The following SLC15A2 variants were observed in gnomAD, a reference collection of about 807,000 sequenced individuals.
SLC15A2 encodes the protein solute carrier family 15 member 2, also known as kidney H(+)/peptide cotransporter.
In SLC15A2, 77 loss-of-function variants were observed where a neutral mutation model predicts 95.5. The ratio of observed to expected loss-of-function variants is 0.81; its 90% confidence interval spans 0.67 to 0.97. The LOEUF is 0.97. SLC15A2 is among the 50% of genes least tolerant of loss of function. SLC15A2 has a pLI of 0.00. For synonymous variants in SLC15A2, 306 were observed against 306.9 expected (o/e 1.00, Z 0.03); for missense variants, 893 against 874.4 (o/e 1.02, Z -0.27).
At chr3:121,915,378 C>A in intron 6 of SLC15A2, 61 bp downstream of exon 6, 3 of 1,130,388 alleles carry the variant, frequency 2.7e-6, no homozygotes, top group South Asian at 2.5e-5. Flanking sequence ...AAAAGCTGTT[C>A]AAGGCTTTCT....
Position 121,929,083 on chromosome 3 carries a change from G to A in SLC15A2, c.1443G>A (p.Val481=), listed in dbSNP as rs34589463. The A allele has an allele frequency of 3.1e-6, 5 of 1,614,120 alleles. No homozygotes were observed. The highest frequency in any genetic ancestry group is 4.2e-6 in the Non-Finnish European group (5 of 1,179,974). The part of the protein sequence containing the change: ...HNLSLYTEHS[V]QEKNWYSLVI... The stretch of plus-strand genomic sequence containing the variant: ...TGTCTCTCTACACTGAGCATTCTGT[G>A]CAGGAGAAGAACTGGTACAGTCTTG... Residue 481 remains valine (V), a synonymous_variant, in exon 16 of 22, where the codon GTG becomes GTA. Transcript: ENST00000489711.
rs1709769547 is a variant in SLC15A2 at position 121,911,637 on chromosome 3, A to G, written c.399A>G (p.Leu133=). The G allele has an allele frequency of 6.2e-7, 1 of 1,613,406 alleles. No individual in the cohort carries two copies. The highest frequency in any genetic ancestry group is 1.3e-5 in the African/African-American group (1 of 74,914). Reference sequence around the variant, plus strand: ...ATGTGATCAAGTCCTTGGGTGCCTTACCAATACTGGGAGGACAAGTGGTAC... The same window carrying G: ...ATGTGATCAAGTCCTTGGGTGCCTTGCCAATACTGGGAGGACAAGTGGTAC... ...LGHVIKSLGA[L]PILGGQVVHT... is the part of the protein sequence containing the mutation. The change falls in exon 4 of 22, where the codon TTA becomes TTG. Residue 133 remains leucine, a synonymous_variant. Coordinates refer to ENST00000489711, the MANE Select transcript of SLC15A2 (RefSeq NM_021082.4).
chr3:121,900,660 G>A (rs918436390), intron 3 of SLC15A2, among the ~76,000 whole-genome samples: 2 of 151,854 alleles, frequency 1.3e-5, no homozygotes, highest in African/African-American at 4.8e-5. Context: ...TCTTTTTCAT[G>A]TCTGTTTGCA....
At position 121,894,599 on chromosome 3, in the gene SLC15A2, A is replaced by G; in HGVS notation, c.105+18A>G. On this transcript the variant is annotated intron_variant, in intron 1 of 21. Transcript: ENST00000489711. The stretch of plus-strand genomic sequence containing the variant: ...CATCTCCGGTGAGTCCTTAGATTCA[A>G]TCCTGCCTCTGAGAGGAATGGCCTC... 6.3e-7 allele frequency: 1 copy of G among 1,592,546 alleles called. No homozygotes were observed. The highest frequency in any genetic ancestry group is 8.6e-7 in the Non-Finnish European group (1 of 1,161,432).
chr3:121,940,326 A>C, intron 20 of SLC15A2, 58 bp from the exon 21 acceptor site: 2 of 1,306,146 alleles, frequency 1.5e-6, no homozygotes, highest in Non-Finnish European at 2.2e-6. Context: ...TCCTGGATGC[A>C]TGGGGCATGA....
intron 7 of SLC15A2, among the ~76,000 whole-genome samples, chr3:121,918,782 A>C (rs1025330733): frequency 1.3e-5 from 2 of 152,236 alleles, no homozygotes; most frequent in African/African-American, 2.4e-5. Context: ...GATGTCTATT[A>C]AATACAACAA....
chr3:121,940,855 TGC>T lies in SLC15A2; in HGVS notation c.2039_2040del (p.Cys680SerfsTer30). 6.2e-7 allele frequency: 1 copy of T among 1,612,546 alleles called. No homozygotes were observed. Among genetic ancestry groups the T allele is most frequent in the South Asian group, 1.1e-5 (1 of 90,538 alleles). On this transcript the variant is annotated frameshift_variant, in exon 22 of 22. Transcript: ENST00000489711. LOFTEE classifies it high-confidence loss of function. The part of the protein sequence containing the change: ...VQWAEFILFS[C>X]LLLVICLIFS... Reference sequence around the variant, plus strand: ...GTGGGCCGAATTCATTTTGTTTTCCTGCCTCCTGCTGGTGATCTGCCTGATCT... The same window carrying T: ...GTGGGCCGAATTCATTTTGTTTTCCTCTCCTGCTGGTGATCTGCCTGATCT...
At position 121,897,511 on chromosome 3, in the gene SLC15A2, C is replaced by A. The variant is rs773867721; in HGVS notation, c.317C>A (p.Ser106Ter). 6.2e-7 allele frequency: 1 copy of A among 1,613,986 alleles called. No homozygotes were observed. Residue 106 changes from serine to a stop codon, truncating the protein, a stop_gained, in exon 3 of 22, where the codon TCG (serine) becomes TAG (stop). Transcript: ENST00000489711. LOFTEE classifies it high-confidence loss of function. ...ATCCTGGGAGCAGCCATTGCTGACT[C>A]GTGGTTGGGAAAATTCAAGTAAGGA... The part of the protein sequence containing the change: ...TPILGAAIAD[S>*]WLGKFKTIIY...
intron 8 of SLC15A2, 73 bp downstream of exon 8, chr3:121,922,375 C>G: frequency 8.7e-7 from 1 of 1,150,956 alleles, no homozygotes. Flanking sequence ...TATGGGCCTT[C>G]AAACGTGGGC....
intron 19 of SLC15A2, among the ~76,000 whole-genome samples, chr3:121,937,926 T>C (rs145975240): frequency 6.6e-6 from 1 of 151,046 alleles, no homozygotes; most frequent in Non-Finnish European, 1.5e-5. Flanking sequence ...ATGATGGTGA[T>C]GTACAGATGG....
At chr3:121,940,310 G>T (rs1710436024) in intron 20 of SLC15A2, 74 bp from the exon 21 acceptor site, 1 of 1,097,316 alleles carries the variant, frequency 9.1e-7, no homozygotes, top group African/African-American at 1.5e-5. Context: ...TTTTGTGGGA[G>T]AAGTTTCCTG....
At chr3:121,913,388 A>G (rs1709813937) in intron 5 of SLC15A2, among the ~76,000 whole-genome samples, 1 of 152,248 alleles carries the variant, frequency 6.6e-6, no homozygotes, top group South Asian at 2.1e-4. Flanking sequence ...ACAAGAATTG[A>G]GGAGAATACT....
intron 14 of SLC15A2, chr3:121,928,149 T>C (rs1576687289): frequency 1.8e-6 from 1 of 541,628 alleles, no homozygotes; most frequent in East Asian, 3.0e-5. Context: ...TAAAAACCTT[T>C]TGGCAGATTG....
At chr3:121,931,764 C>G in intron 19 of SLC15A2, 29 bp downstream of exon 19, 2 of 1,316,110 alleles carry the variant, frequency 1.5e-6, no homozygotes, top group South Asian at 2.4e-5. Context: ...CCTCTTTACC[C>G]TCTCTCCATA....
At chr3:121,926,602 T>A (rs1576686321) in intron 13 of SLC15A2, among the ~76,000 whole-genome samples, 1 of 152,156 alleles carries the variant, frequency 6.6e-6, no homozygotes, top group Admixed American at 6.5e-5. Flanking sequence ...GCTGCAGGGG[T>A]GGAGCCCCCA....
In SLC15A2 at chr3:121,939,333, T is replaced by C. The variant is rs908884154; in HGVS notation, c.1762-16T>C. The C allele has an allele frequency of 2.7e-6, 4 of 1,484,938 alleles. No individual in the cohort carries two copies. In the Admixed American group the frequency reaches 7.4e-5, roughly 28 times the overall value. 92.0% of individuals were successfully genotyped at this position (1,484,938 alleles called of 1,614,324 possible). ...AGACTACTGACAAGTCCATTTCCAT[T>C]TTCTCTTTCCCTAAGAACACCAATC... On this transcript the variant is annotated splice_polypyrimidine_tract_variant and intron_variant, in intron 19 of 21. Transcript: ENST00000489711.
chr3:121,914,870 A>C lies in SLC15A2; in HGVS notation c.529-357A>C, dbSNP rs1444075161. Reference sequence around the variant, plus strand: ...GAGACTCCATCTCAAAAAAAAAAAAAAAAAACCACAAACACACACATGAAA... The same window carrying C: ...GAGACTCCATCTCAAAAAAAAAAAACAAAAACCACAAACACACACATGAAA... On this transcript the variant is annotated intron_variant, in intron 5 of 21. Transcript: ENST00000489711. 9 of 433,374 alleles carry C rather than the reference A, an allele frequency of 2.1e-5. No homozygotes were observed. The Admixed American group carries it at 4.2e-4, about 20-fold the overall frequency. The allele number at this position is 433,374 out of a possible 1,614,324, so 26.8% of individuals were successfully genotyped here. A position where few individuals can be genotyped will look rare whatever the true frequency, so the allele number is the denominator to read the frequency against.
At chr3:121,934,806 T>C (rs1710306478) in intron 19 of SLC15A2, among the ~76,000 whole-genome samples, 1 of 152,124 alleles carries the variant, frequency 6.6e-6, no homozygotes. Flanking sequence ...CTATGTTGAA[T>C]AGGAGTGGAG....
intron 19 of SLC15A2, among the ~76,000 whole-genome samples, chr3:121,936,758 A>C (rs1457204442): frequency 6.8e-6 from 1 of 147,314 alleles, no homozygotes; most frequent in African/African-American, 2.5e-5. Flanking sequence ...CATTTAGTCC[A>C]TTTACATTTA....
Sources: gnomAD v4.1 joint callset for allele counts (sites outside exome capture counted in the v4.1 genomes callset) on GRCh38, gnomAD v4.1.1 for gene constraint, MANE v1.5 for transcripts, NCBI Gene and HGNC (gene_info 2026-07-23, HGNC 2026-07-21) for gene names.